The following PPFIBP2 variants were observed in gnomAD, a reference collection of about 807,000 sequenced individuals.
PPFIBP2 encodes the protein liprin-beta-2.
Under a neutral mutation model 118.3 loss-of-function variants are expected in PPFIBP2, and 118 were observed. That is an observed-to-expected ratio of 1.00 (90% CI 0.86 to 1.16). The LOEUF is 1.16. Ranked by LOEUF, PPFIBP2 falls within the 50% of genes most tolerant of loss-of-function variation. The pLI, the probability that PPFIBP2 is intolerant of heterozygous loss-of-function variation, is 0.00. For synonymous variants in PPFIBP2, 414 were observed against 397.4 expected, an observed-to-expected ratio of 1.04 and a Z score of -0.50; for missense variants, 1,195 against 1,073.1, an observed-to-expected ratio of 1.11 and a Z score of -1.59.
intron 7 of PPFIBP2, among the ~76,000 whole-genome samples, chr11:7,621,277 T>C (rs1849321439): frequency 6.6e-6 from 1 of 152,158 alleles, no homozygotes; most frequent in Non-Finnish European, 1.5e-5. Flanking sequence ...CTGCACCCCA[T>C]AGCACCTGGC....
At chr11:7,651,865 G>C (rs759675806) in intron 23 of PPFIBP2, 21 bp downstream of exon 23, 1 of 1,598,586 alleles carries the variant, frequency 6.3e-7, no homozygotes, top group Non-Finnish European at 8.6e-7. Flanking sequence ...GAGCCTTTCT[G>C]GGTGGGCCCT....
intron 3 of PPFIBP2, among the ~76,000 whole-genome samples, chr11:7,566,925 C>G (rs563146609): frequency 1.3e-5 from 2 of 152,300 alleles, no homozygotes; most frequent in Admixed American, 6.5e-5. Context: ...CTCTCCCACT[C>G]TAGTCTATTC....
At chr11:7,558,124 C>T (rs1476768451) in intron 2 of PPFIBP2, among the ~76,000 whole-genome samples, 1 of 152,162 alleles carries the variant, frequency 6.6e-6, no homozygotes, top group Non-Finnish European at 1.5e-5. Context: ...GTTTGAAACA[C>T]AAAGGTTTAT....
In PPFIBP2 at chr11:7,553,112, G is replaced by T. The variant is rs371523651; in HGVS notation, c.64+3573G>T. Among the ~76,000 whole-genome samples the T allele has an allele frequency of 1.1e-4, 17 of 152,156 alleles. No homozygotes were observed. In the South Asian group the frequency reaches 3.3e-3, roughly 30 times the overall value. Reference sequence around the variant, plus strand: ...CTAGGATCTCCTTTTCATTGGTTAGGAGGTATACATATAGGTTTCTGTATA... The same window carrying T: ...CTAGGATCTCCTTTTCATTGGTTAGTAGGTATACATATAGGTTTCTGTATA... On this transcript the variant is annotated intron_variant, in intron 2 of 23. Transcript: ENST00000299492.
chr11:7,593,485 G>GC (rs1374769820), intron 4 of PPFIBP2, among the ~76,000 whole-genome samples: 1 of 152,204 alleles, frequency 6.6e-6, no homozygotes, highest in Non-Finnish European at 1.5e-5. Context: ...TACACTGGCA[G>GC]CCCCATGACC....
intron 3 of PPFIBP2, among the ~76,000 whole-genome samples, chr11:7,587,373 T>C (rs990911552): frequency 6.6e-6 from 1 of 152,218 alleles, no homozygotes; most frequent in African/African-American, 2.4e-5. Flanking sequence ...CAGAATTCCT[T>C]TGCAATTCAG....
intron 11 of PPFIBP2, chr11:7,632,590 C>G (rs185030993): frequency 2.9e-5 from 7 of 238,630 alleles, no homozygotes; most frequent in African/African-American, 1.5e-4. Flanking sequence ...CAGAAAAAGC[C>G]CAAGAACCCA....
intron 3 of PPFIBP2, among the ~76,000 whole-genome samples, chr11:7,590,851 G>A (rs1425063544): frequency 6.6e-6 from 1 of 152,184 alleles, no homozygotes; most frequent in African/African-American, 2.4e-5. Context: ...AGGGTGTCAT[G>A]GATATTGCTG....
rs1456526569 is a variant in PPFIBP2 at position 7,651,657 on chromosome 11, T to C, written c.2249T>C (p.Ile750Thr). 6.2e-7 allele frequency: 1 copy of C among 1,602,914 alleles called. No homozygotes were observed. The highest frequency in any genetic ancestry group is 8.5e-7 in the Non-Finnish European group (1 of 1,171,632). The change falls in exon 23 of 24, where the codon ATC becomes ACC. Residue 750 changes from isoleucine to threonine, a missense_variant and splice_region_variant. Coordinates refer to ENST00000299492, the MANE Select transcript of PPFIBP2 (RefSeq NM_003621.5). ...RGSGVHGGLI[I>T]LEPRFTGDTL... is the part of the protein sequence containing the mutation. ...GGCTTGTCTCTGGTTCCTTCTTAGATCCTGGAGCCACGCTTCACTGGGGAC... is the reference window on the plus strand; with the variant it reads ...GGCTTGTCTCTGGTTCCTTCTTAGACCCTGGAGCCACGCTTCACTGGGGAC...
At chr11:7,642,017 T>C (rs1852263623) in intron 16 of PPFIBP2, 1 of 426,094 alleles carries the variant, frequency 2.3e-6, no homozygotes, top group East Asian at 4.1e-5. Context: ...CTGATCCACT[T>C]TGTGACATGA....
chr11:7,606,728 T>C (rs952204548), intron 5 of PPFIBP2, among the ~76,000 whole-genome samples: 8 of 152,112 alleles, frequency 5.3e-5, no homozygotes, highest in African/African-American at 1.9e-4. Flanking sequence ...GCTGGAACCA[T>C]TGGTATGACT....
Position 7,603,381 on chromosome 11 carries a change from CG to C in PPFIBP2, c.486+5709del, listed in dbSNP as rs566557718. On this transcript the variant is annotated intron_variant, in intron 5 of 23. Transcript: ENST00000299492. ...TGAGGACTGAGCCTGGCCTCAAACT[CG>C]AGTTGACTACAAGCACCTCTTCTCT... is the stretch of plus-strand genomic sequence containing the variant. Among the ~76,000 whole-genome samples, 43 of 152,306 alleles carry C rather than the reference CG, an allele frequency of 2.8e-4. 1 individual carries two copies. The South Asian group carries it at 8.1e-3, about 29-fold the overall frequency.
intron 3 of PPFIBP2, among the ~76,000 whole-genome samples, chr11:7,592,887 C>T (rs1406126235): frequency 3.3e-5 from 5 of 152,158 alleles, no homozygotes; most frequent in Non-Finnish European, 7.4e-5. Context: ...GCCCTCCTGG[C>T]CAGGAGTGAG....
intron 14 of PPFIBP2, among the ~76,000 whole-genome samples, chr11:7,638,838 A>G (rs1052321762): frequency 2.0e-5 from 3 of 152,178 alleles, no homozygotes; most frequent in Non-Finnish European, 2.9e-5. Flanking sequence ...CATTTAATCA[A>G]CTTGTTTCTT....
chr11:7,550,362 G>C (rs1449656311), intron 2 of PPFIBP2, among the ~76,000 whole-genome samples: 1 of 152,196 alleles, frequency 6.6e-6, no homozygotes, highest in Non-Finnish European at 1.5e-5. Flanking sequence ...AGTGTGGCTA[G>C]ACCCCAGGAA....
rs113682034 is a variant in PPFIBP2, at chr11:7,639,412, T to C, written c.1237-320T>C. Among the ~76,000 whole-genome samples the C allele has an allele frequency of 7.2e-3, 1,096 of 152,332 alleles. 15 individuals are homozygous for C. Among genetic ancestry groups the C allele is most frequent in the African/African-American group, 0.026 (1,063 of 41,578 alleles). On this transcript the variant is annotated intron_variant, in intron 14 of 23. Coordinates refer to ENST00000299492, the MANE Select transcript of PPFIBP2 (RefSeq NM_003621.5). ...AGAGTAATTCACGGCTGTTAATTCATTGAGTCTCTGAGCACTAGGCCAGAC... is the reference window on the plus strand; with the variant it reads ...AGAGTAATTCACGGCTGTTAATTCACTGAGTCTCTGAGCACTAGGCCAGAC...
chr11:7,652,162 G>A (rs1051483087), intron 23 of PPFIBP2, among the ~76,000 whole-genome samples: 1 of 152,260 alleles, frequency 6.6e-6, no homozygotes, highest in Admixed American at 6.5e-5. Context: ...GAAGCGCTCC[G>A]AGTCTGGCTT....
At chr11:7,600,405 A>G (rs766451820) in intron 5 of PPFIBP2, among the ~76,000 whole-genome samples, 1 of 152,340 alleles carries the variant, frequency 6.6e-6, no homozygotes, top group African/African-American at 2.4e-5. Context: ...TGCTGATGCA[A>G]TATCTCTGGC....
At chr11:7,591,109 CTTTT>C (rs143577367) in intron 3 of PPFIBP2, among the ~76,000 whole-genome samples, 10 of 151,776 alleles carry the variant, frequency 6.6e-5, no homozygotes, top group Non-Finnish European at 1.3e-4. Flanking sequence ...CTTTCTTACT[CTTTT>C]TTTTGTCAAC....
Sources: gnomAD v4.1 joint callset for allele counts (sites outside exome capture counted in the v4.1 genomes callset) on GRCh38, gnomAD v4.1.1 for gene constraint, MANE v1.5 for transcripts, NCBI Gene and HGNC (gene_info 2026-07-23, HGNC 2026-07-21) for gene names.